ROBO1: variants seen among roughly 807,000 people sequenced by gnomAD.
ROBO1 encodes the protein roundabout homolog 1.
ROBO1 carries 149 observed loss-of-function variants against 195.9 expected under a neutral mutation model. The ratio of observed to expected loss-of-function variants is 0.76; its 90% CI spans 0.67 to 0.87. ROBO1 has a LOEUF of 0.87. ROBO1 is among the 40% of genes least tolerant of loss of function. The pLI is 0.00. For missense variants in ROBO1, 1,933 were observed against 2,068.3 expected (o/e 0.93, Z 1.27); for synonymous variants, 816 against 733.2 (o/e 1.11, Z -1.82).
At chr3:79,403,446 T>C (rs1466592271) in intron 2 of ROBO1, among the ~76,000 whole-genome samples, 2 of 152,052 alleles carry the variant, frequency 1.3e-5, no homozygotes, top group Non-Finnish European at 2.9e-5. Flanking sequence ...TACATCATTA[T>C]GCTGTCCAAA....
At chr3:79,049,135 A>G (rs1428414479) in intron 3 of ROBO1, among the ~76,000 whole-genome samples, 1 of 152,136 alleles carries the variant, frequency 6.6e-6, no homozygotes, top group Non-Finnish European at 1.5e-5. Flanking sequence ...CACCGCAATG[A>G]AGCTAAAAAT....
intron 1 of ROBO1, among the ~76,000 whole-genome samples, chr3:79,660,754 T>C (rs2106825445): frequency 6.6e-6 from 1 of 152,186 alleles, no homozygotes; most frequent in African/African-American, 2.4e-5. Flanking sequence ...TTCTTGGTAT[T>C]CTAATACCCA....
intron 2 of ROBO1, among the ~76,000 whole-genome samples, chr3:79,506,371 G>C (rs1940396675): frequency 1.3e-5 from 2 of 152,100 alleles, no homozygotes; most frequent in Non-Finnish European, 2.9e-5. Context: ...GAATTTATCT[G>C]TTTATTGAAG....
At chr3:78,972,428 G>A (rs60053402) in intron 3 of ROBO1, among the ~76,000 whole-genome samples, 1,803 of 152,186 alleles carry the variant, frequency 0.012, 41 homozygotes, top group African/African-American at 0.039. Flanking sequence ...TTCATTTTGA[G>A]AATTTGATGA....
intron 2 of ROBO1, among the ~76,000 whole-genome samples, chr3:79,186,957 G>A (rs559337100): frequency 1.1e-4 from 17 of 152,210 alleles, no homozygotes; most frequent in African/African-American, 3.6e-4. Flanking sequence ...AATGCATTAT[G>A]ACCCATGTTC....
At chr3:79,193,710 A>T (rs536446550) in intron 2 of ROBO1, among the ~76,000 whole-genome samples, 1 of 150,334 alleles carries the variant, frequency 6.7e-6, no homozygotes, top group South Asian at 2.1e-4. Flanking sequence ...TCATTCTTAC[A>T]TATGATGATA....
intron 4 of ROBO1, among the ~76,000 whole-genome samples, chr3:78,781,072 C>G (rs1483372209): frequency 6.6e-6 from 1 of 152,054 alleles, no homozygotes; most frequent in Admixed American, 6.6e-5. Flanking sequence ...TAGTTGAACC[C>G]TAAATACAAA....
intron 5 of ROBO1, among the ~76,000 whole-genome samples, chr3:78,739,198 T>C (rs944619471): frequency 6.6e-6 from 1 of 152,186 alleles, no homozygotes; most frequent in Non-Finnish European, 1.5e-5. Flanking sequence ...AAGGTTATCA[T>C]GAAGAAAATA....
At chr3:79,089,213 T>C (rs546748649) in intron 3 of ROBO1, among the ~76,000 whole-genome samples, 2 of 152,230 alleles carry the variant, frequency 1.3e-5, no homozygotes, top group African/African-American at 2.4e-5. Context: ...GTTATTCATA[T>C]AGAAAATGCA....
chr3:78,631,202 T>C lies in ROBO1; in HGVS notation c.3585A>G (p.Pro1195=). Residue 1195 remains proline, a synonymous_variant, in exon 25 of 31, where the codon CCA becomes CCG. Transcript: ENST00000464233. ...TGTTGTACTCTTCGCTATTGCTGTG[T>C]GGAGGAGGATGTGCTGGGGGAGGAG... ...LLPPPPAHPP[P]HSNSEEYNIS... is the part of the protein sequence containing the mutation. The C allele has an allele frequency of 6.2e-7, 1 of 1,613,022 alleles. No homozygotes were observed. The highest frequency in any genetic ancestry group is 8.5e-7 in the Non-Finnish European group (1 of 1,179,464).
chr3:79,519,543 G>C (rs1559960163), intron 2 of ROBO1, among the ~76,000 whole-genome samples: 1 of 146,952 alleles, frequency 6.8e-6, no homozygotes, highest in Non-Finnish European at 1.5e-5. Flanking sequence ...GCAGGAGAAT[G>C]GCGTGAACCT....
chr3:78,648,136 A>AAAGAAGGAAAGGCAAGGAAAGGGG (rs1706415599), intron 19 of ROBO1, among the ~76,000 whole-genome samples: 1 of 152,060 alleles, frequency 6.6e-6, no homozygotes, highest in Non-Finnish European at 1.5e-5. Flanking sequence ...GAAAGAAGGA[A>AAAGAAGGAAAGGCAAGGAAAGGGG]AAGAAGGAAA....
intron 1 of ROBO1, among the ~76,000 whole-genome samples, chr3:79,645,742 C>G (rs979378823): frequency 6.6e-6 from 1 of 152,032 alleles, no homozygotes; most frequent in Non-Finnish European, 1.5e-5. Context: ...TTACAGCAAC[C>G]AAGTCAACAT....
At chr3:79,448,133 T>C (rs2039326064) in intron 2 of ROBO1, among the ~76,000 whole-genome samples, 1 of 152,194 alleles carries the variant, frequency 6.6e-6, no homozygotes, top group Admixed American at 6.5e-5. Flanking sequence ...TAAAGATAAC[T>C]ATATTGTGGC....
intron 1 of ROBO1, among the ~76,000 whole-genome samples, chr3:79,628,271 A>G (rs188238882): frequency 1.2e-4 from 18 of 152,206 alleles, no homozygotes; most frequent in East Asian, 5.8e-4. Context: ...TATATCATCA[A>G]TGGTATATAC....
intron 2 of ROBO1, among the ~76,000 whole-genome samples, chr3:79,418,118 A>G (rs935419406): frequency 9.9e-5 from 15 of 152,104 alleles, no homozygotes; most frequent in Admixed American, 6.6e-4. Flanking sequence ...TGGAATAAAC[A>G]CTATGAAATG....
At chr3:79,500,588 A>G (rs1466018318) in intron 2 of ROBO1, among the ~76,000 whole-genome samples, 1 of 151,362 alleles carries the variant, frequency 6.6e-6, no homozygotes, top group Non-Finnish European at 1.5e-5. Flanking sequence ...AGACCTGATG[A>G]CTCCTCTTTA....
At chr3:79,079,990 T>C (rs1480552529) in intron 3 of ROBO1, among the ~76,000 whole-genome samples, 1 of 151,708 alleles carries the variant, frequency 6.6e-6, no homozygotes, top group East Asian at 1.9e-4. Flanking sequence ...CAGATGATGA[T>C]AATTTTTAAT....
At chr3:78,900,661 C>T (rs904704183) in intron 4 of ROBO1, among the ~76,000 whole-genome samples, 40 of 152,112 alleles carry the variant, frequency 2.6e-4, no homozygotes, top group African/African-American at 9.6e-4. Flanking sequence ...AGTGTATATG[C>T]GCTAATGCTC....
Sources: allele counts gnomAD v4.1 joint callset (sites outside exome capture counted in the v4.1 genomes callset), GRCh38; gene constraint gnomAD v4.1.1; transcripts MANE v1.5; gene names NCBI Gene and HGNC (gene_info 2026-07-23, HGNC 2026-07-21).